Variants in CFHR3 observed in about 807,000 individuals in gnomAD.
CFHR3 encodes complement factor H-related protein 3.
In CFHR3, 22 loss-of-function variants were observed where a neutral mutation model predicts 36.0. The observed-to-expected ratio is 0.61, with a 90% CI of 0.44 to 0.87. CFHR3 has a LOEUF of 0.87. Among genes scored for constraint, CFHR3 ranks in the 40% least tolerant of loss-of-function variants. The pLI is 0.00. For synonymous variants in CFHR3, 97 were observed against 137.4 expected (o/e 0.71, Z 2.06); for missense variants, 276 against 401.3 (o/e 0.69, Z 2.67).
chr1:196,790,619 G>C (rs1358819454), intron 5 of CFHR3, among the ~76,000 whole-genome samples: 1 of 135,768 alleles, frequency 7.4e-6, no homozygotes, highest in Admixed American at 7.1e-5. Context: ...AGCTACTCAG[G>C]AGGGTGAGGC....
chr1:196,777,826 A>G (rs1408953882), intron 1 of CFHR3, among the ~76,000 whole-genome samples: 1 of 132,878 alleles, frequency 7.5e-6, no homozygotes, highest in Admixed American at 7.3e-5. Flanking sequence ...GTCTCTACTA[A>G]CAATTCAAAA....
chr1:196,785,708 A>C (rs558499427), intron 3 of CFHR3, among the ~76,000 whole-genome samples: 1 of 136,098 alleles, frequency 7.3e-6, no homozygotes, highest in Non-Finnish European at 1.6e-5. Flanking sequence ...CATTTGTCTA[A>C]ATTTTTTTCA....
At position 196,793,478 on chromosome 1, in the gene CFHR3, C is replaced by A. The variant is rs145280059; in HGVS notation, c.958C>A (p.Arg320=). 5.0e-4 allele frequency: 766 copies of A among 1,525,872 alleles called. 169 individuals are homozygous for A. In the Middle Eastern group the frequency reaches 9.6e-3, roughly 19 times the overall value. 94.5% of individuals were successfully genotyped at this position (1,525,872 alleles called of 1,614,324 possible). A position where few individuals can be genotyped will look rare whatever the true frequency, so the allele number is the denominator to read the frequency against. Residue 320 remains arginine (R), a synonymous_variant, in exon 6 of 6, where the codon CGG becomes AGG. Coordinates refer to ENST00000367425, the MANE Select transcript of CFHR3 (RefSeq NM_021023.6). The part of the protein sequence containing the change: ...TSILSFQAVC[R]EGIVEYPRCE Reference sequence around the variant, plus strand: ...AATTCTATCATTTCAAGCAGTGTGTCGGGAAGGGATAGTGGAATACCCCAG... The same window carrying A: ...AATTCTATCATTTCAAGCAGTGTGTAGGGAAGGGATAGTGGAATACCCCAG...
rs1431240068 is a variant in CFHR3 at position 196,786,460 on chromosome 1, G to A, written c.431-1756G>A. On this transcript the variant is annotated intron_variant, in intron 3 of 5. Transcript: ENST00000367425. ...CTTGAGCTGTGGTGGGCTCCACCCAGTTCGAGCTTCCTGGCTGCTTTGTTT... is the reference window on the plus strand; with the variant it reads ...CTTGAGCTGTGGTGGGCTCCACCCAATTCGAGCTTCCTGGCTGCTTTGTTT... Among the ~76,000 whole-genome samples, 2 of 136,056 alleles carry A rather than the reference G, an allele frequency of 1.5e-5. 1 individual carries two copies. The highest frequency in any genetic ancestry group is 3.1e-5 in the Non-Finnish European group (2 of 64,268). 89.3% of individuals were successfully genotyped at this position (136,056 alleles called of 152,430 possible).
intron 3 of CFHR3, among the ~76,000 whole-genome samples, chr1:196,784,385 C>G (rs963073291): frequency 7.4e-6 from 1 of 135,530 alleles, no homozygotes; most frequent in African/African-American, 3.1e-5. Flanking sequence ...GTTGATCTGT[C>G]TAATGTTGAC....
chr1:196,780,240 T>C (rs1653891122), intron 3 of CFHR3, among the ~76,000 whole-genome samples: 1 of 137,720 alleles, frequency 7.3e-6, no homozygotes, highest in African/African-American at 3.0e-5. Flanking sequence ...AATAAAGTCA[T>C]ATTGAAGCGG....
intron 5 of CFHR3, among the ~76,000 whole-genome samples, chr1:196,793,044 A>G (rs1346508443): frequency 2.2e-5 from 3 of 135,210 alleles, no homozygotes; most frequent in African/African-American, 6.3e-5. Flanking sequence ...GACACAACAT[A>G]TTTTAGGAAA....
chr1:196,782,929 G>T lies in CFHR3; in HGVS notation c.430+2956G>T, dbSNP rs1248188726. ...GTTTTTGCCCATTCAGTATGATATT[G>T]GCTGTGGGTTTGTCATAGATAGTTC... is the stretch of plus-strand genomic sequence containing the variant. On this transcript the variant is annotated intron_variant, in intron 3 of 5. Transcript: ENST00000367425. 1.5e-5 allele frequency among the ~76,000 whole-genome samples: 2 copies of T among 136,868 alleles called. 1 individual carries two copies. The highest frequency in any genetic ancestry group is 6.1e-5 in the African/African-American group (2 of 32,666). The allele number at this position is 136,868 out of a possible 152,430, so 89.8% of individuals were successfully genotyped here.
rs1249169640 is a variant in CFHR3 at position 196,794,043 on chromosome 1, T to C, written c.*530T>C. 1 of 143,206 alleles carries C rather than the reference T, an allele frequency of 7.0e-6. No homozygotes were observed. The highest frequency in any genetic ancestry group is 1.5e-5 in the Non-Finnish European group (1 of 68,798). 8.9% of individuals were successfully genotyped at this position (143,206 alleles called of 1,614,324 possible). A position where few individuals can be genotyped will look rare whatever the true frequency, so the allele number is the denominator to read the frequency against. On this transcript the variant is annotated 3_prime_UTR_variant, in exon 6 of 6. Transcript: ENST00000367425. ...TATCATGATTTAAAGGAAATAGTAC[T>C]AGAGAAGGTGAATTATTATCATTTT... is the stretch of plus-strand genomic sequence containing the variant.
rs1382030513 is a variant in CFHR3, at chr1:196,777,658, A to T, written c.59-1504A>T. ...TCAGAAACAAACCTAAACTATGAAA[A>T]ACTCACTACAGTTTCGAAATTATCA... On this transcript the variant is annotated intron_variant, in intron 1 of 5. Transcript: ENST00000367425. Among the ~76,000 whole-genome samples the T allele has an allele frequency of 3.7e-5, 5 of 136,628 alleles. 1 individual carries two copies. The highest frequency in any genetic ancestry group is 7.8e-5 in the Non-Finnish European group (5 of 64,470). The allele number at this position is 136,628 out of a possible 152,430, so 89.6% of individuals were successfully genotyped here.
In CFHR3 at chr1:196,793,461, C is replaced by G. The variant is rs147760292; in HGVS notation, c.941C>G (p.Ser314Ter). The change falls in exon 6 of 6, where the codon TCA becomes TGA. Residue 314 changes from serine (S) to a stop codon, truncating the protein, a stop_gained. Transcript: ENST00000367425. LOFTEE classifies it low-confidence loss of function (END_TRUNC). The part of the protein sequence containing the change: ...LGYNANTSIL[S>*]FQAVCREGIV... ...TATAATGCAAATACATCAATTCTATCATTTCAAGCAGTGTGTCGGGAAGGG... is the reference window on the plus strand; with the variant it reads ...TATAATGCAAATACATCAATTCTATGATTTCAAGCAGTGTGTCGGGAAGGG... The G allele has an allele frequency of 5.2e-6, 8 of 1,526,684 alleles. 1 individual carries two copies. The African/African-American group carries it at 1.3e-4, about 25-fold the overall frequency. The allele number at this position is 1,526,684 out of a possible 1,614,324, so 94.6% of individuals were successfully genotyped here.
chr1:196,794,209 A>C lies in CFHR3; in HGVS notation c.*696A>C, dbSNP rs1654518182. 6.2e-6 allele frequency: 1 copy of C among 160,428 alleles called. No homozygotes were observed. The highest frequency in any genetic ancestry group is 1.5e-4 in the South Asian group (1 of 6,742). The allele number at this position is 160,428 out of a possible 1,614,324, so 9.9% of individuals were successfully genotyped here. ...GCCAGGTGCAGTGGCACACGCCTGTAATCCTAGCACTTTGAGAGGCCAAGC... is the reference window on the plus strand; with the variant it reads ...GCCAGGTGCAGTGGCACACGCCTGTCATCCTAGCACTTTGAGAGGCCAAGC... On this transcript the variant is annotated 3_prime_UTR_variant, in exon 6 of 6. Transcript: ENST00000367425.
intron 3 of CFHR3, 36 bp downstream of exon 3, chr1:196,780,009 GTCTT>G: frequency 6.5e-7 from 1 of 1,529,220 alleles, no homozygotes; most frequent in South Asian, 1.2e-5. Flanking sequence ...GCATGTTCAT[GTCTT>G]TCTAAGTAAC....
At chr1:196,781,865 G>A (rs1653965488) in intron 3 of CFHR3, among the ~76,000 whole-genome samples, 1 of 136,406 alleles carries the variant, frequency 7.3e-6, no homozygotes, top group African/African-American at 3.1e-5. Context: ...TTTTAGACAT[G>A]AAGTCCTTGC....
chr1:196,789,196 C>A, intron 4 of CFHR3: 1 of 912,020 alleles, frequency 1.1e-6, no homozygotes, highest in Non-Finnish European at 1.3e-6. Context: ...CTCCCAAATC[C>A]ACTTCATTTT....
rs758297404 is a variant in CFHR3, at chr1:196,793,296, A to G, written c.797-21A>G. ...ATGAAAGAGAAAATTATGATTGTTA[A>G]TTGTTTTTTTCTGCTTTCAGATCCA... On this transcript the variant is annotated intron_variant, in intron 5 of 5. Coordinates refer to ENST00000367425, the MANE Select transcript of CFHR3 (RefSeq NM_021023.6). 9 of 1,485,616 alleles carry G rather than the reference A, an allele frequency of 6.1e-6. 2 individuals are homozygous for G. The highest frequency in any genetic ancestry group is 2.0e-4 in the Middle Eastern group (1 of 5,108). 92.0% of individuals were successfully genotyped at this position (1,485,616 alleles called of 1,614,324 possible).
At position 196,778,766 on chromosome 1, in the gene CFHR3, T is replaced by C. The variant is rs777560893; in HGVS notation, c.59-396T>C. Among the ~76,000 whole-genome samples, 7 of 136,874 alleles carry C rather than the reference T, an allele frequency of 5.1e-5. 1 individual carries two copies. Among genetic ancestry groups the C allele is most frequent in the Non-Finnish European group, 1.1e-4 (7 of 64,574 alleles). 89.8% of individuals were successfully genotyped at this position (136,874 alleles called of 152,430 possible). A position where few individuals can be genotyped will look rare whatever the true frequency, so the allele number is the denominator to read the frequency against. ...TTTTCCAAAAAACAATTATTGGTAA[T>C]GTGTGCACCCTGAACTGACAGCTTT... On this transcript the variant is annotated intron_variant, in intron 1 of 5. Coordinates refer to ENST00000367425, the MANE Select transcript of CFHR3 (RefSeq NM_021023.6).
In CFHR3 at chr1:196,779,885, C is replaced by T. The variant is rs763700926; in HGVS notation, c.342C>T (p.Cys114=). The change falls in exon 3 of 6, where the codon TGC becomes TGT. Residue 114 remains cysteine, a synonymous_variant. Coordinates refer to ENST00000367425, the MANE Select transcript of CFHR3 (RefSeq NM_021023.6). The part of the protein sequence containing the change: ...FVQGNSTEVA[C]HPGYGLPKAQ... ...AGGGTAACTCTACAGAAGTTGCCTGCCATCCTGGCTACGGTCTTCCAAAAG... is the reference window on the plus strand; with the variant it reads ...AGGGTAACTCTACAGAAGTTGCCTGTCATCCTGGCTACGGTCTTCCAAAAG... The T allele has an allele frequency of 2.6e-6, 4 of 1,533,162 alleles. No individual in the cohort carries two copies. The highest frequency in any genetic ancestry group is 3.4e-5 in the Admixed American group (2 of 58,144). 95.0% of individuals were successfully genotyped at this position (1,533,162 alleles called of 1,614,324 possible). A position where few individuals can be genotyped will look rare whatever the true frequency, so the allele number is the denominator to read the frequency against.
At chr1:196,779,995 C>G (rs370780390) in intron 3 of CFHR3, 22 bp downstream of exon 3, 1 of 1,531,080 alleles carries the variant, frequency 6.5e-7, no homozygotes, top group African/African-American at 1.7e-5. Flanking sequence ...GCTCTGAGAT[C>G]CCAGCATGTT....
Sources: allele counts gnomAD v4.1 joint callset (sites outside exome capture counted in the v4.1 genomes callset), GRCh38; gene constraint gnomAD v4.1.1; transcripts MANE v1.5; gene names NCBI Gene and HGNC (gene_info 2026-07-23, HGNC 2026-07-21).